Variants in DNAH9 observed in about 807,000 individuals in gnomAD.
The protein encoded by DNAH9 is DNAH9 variant protein.
A neutral mutation model predicts 471.6 loss-of-function variants in DNAH9; 345 were observed. The ratio of observed to expected loss-of-function variants is 0.73; its 90% CI spans 0.67 to 0.80. DNAH9 has a LOEUF of 0.80. DNAH9 is among the 30% of genes least tolerant of loss of function. The probability of loss-of-function intolerance (pLI) is 0.00; values close to 1 mark genes in which losing one functional copy is unlikely to be tolerated. For missense variants in DNAH9, 5,407 were observed against 5,609.2 expected (o/e 0.96, Z 1.15); for synonymous variants, 2,093 against 2,123.6 (o/e 0.99, Z 0.40).
chr17:11,968,663 A>G (rs1238774953), intron 68 of DNAH9, among the ~76,000 whole-genome samples: 2 of 152,220 alleles, frequency 1.3e-5, no homozygotes, highest in Non-Finnish European at 2.9e-5. Flanking sequence ...AATTTATTGG[A>G]CCAAGGGAGA....
intron 40 of DNAH9, among the ~76,000 whole-genome samples, chr17:11,784,017 T>C (rs1282541203): frequency 6.6e-6 from 1 of 152,086 alleles, no homozygotes; most frequent in Non-Finnish European, 1.5e-5. Context: ...CCCAGGGCCA[T>C]ATGGATTCTC....
At chr17:11,966,407 A>G (rs1046802121) in intron 68 of DNAH9, among the ~76,000 whole-genome samples, 7 of 152,178 alleles carry the variant, frequency 4.6e-5, no homozygotes, top group African/African-American at 1.4e-4. Context: ...CAGATTTTTT[A>G]AGAGAGAGAG....
At chr17:11,684,259 A>G (rs2150745716) in intron 19 of DNAH9, among the ~76,000 whole-genome samples, 1 of 152,288 alleles carries the variant, frequency 6.6e-6, no homozygotes, top group South Asian at 2.1e-4. Flanking sequence ...AAAAAACCTG[A>G]GTGTCTTATT....
intron 67 of DNAH9, among the ~76,000 whole-genome samples, chr17:11,956,321 A>T (rs1160134648): frequency 6.6e-6 from 1 of 152,228 alleles, no homozygotes; most frequent in Non-Finnish European, 1.5e-5. Context: ...GCACCTCATA[A>T]CAAAGCGTCA....
chr17:11,629,664 G>T (rs1384561721), intron 7 of DNAH9, 80 bp downstream of exon 7: 2 of 1,295,338 alleles, frequency 1.5e-6, no homozygotes, highest in African/African-American at 1.5e-5. Flanking sequence ...GTATTTACTT[G>T]CATTTTCCCT....
chr17:11,703,942 A>G (rs1306542487), intron 24 of DNAH9, among the ~76,000 whole-genome samples: 1 of 152,230 alleles, frequency 6.6e-6, no homozygotes, highest in African/African-American at 2.4e-5. Context: ...ACCGGCCTTG[A>G]TCAGAGTCAA....
In DNAH9 at chr17:11,793,607, A is replaced by C. The variant is rs781573406; in HGVS notation, c.8166A>C (p.Glu2722Asp). The change falls in exon 42 of 69, where the codon GAA becomes GAC. Residue 2722 changes from glutamate (E) to aspartate (D), a missense_variant. By Grantham distance (45) the Glu-to-Asp change is conservative. Coordinates refer to ENST00000262442, the MANE Select transcript of DNAH9 (RefSeq NM_001372.4). ...NRVYRDKMVE[E>D]KDFDLFDKIQ... Reference sequence around the variant, plus strand: ...TTTATCGGGATAAGATGGTAGAAGAAAAGGACTTTGATCTTTTTGATAAAA... The same window carrying C: ...TTTATCGGGATAAGATGGTAGAAGACAAGGACTTTGATCTTTTTGATAAAA... The C allele has an allele frequency of 1.9e-6, 3 of 1,613,982 alleles. No individual in the cohort carries two copies. The South Asian group carries it at 3.3e-5, about 18-fold the overall frequency.
At chr17:11,632,012 A>G (rs2150673809) in intron 7 of DNAH9, among the ~76,000 whole-genome samples, 1 of 152,306 alleles carries the variant, frequency 6.6e-6, no homozygotes, top group South Asian at 2.1e-4. Flanking sequence ...CTGAAATTCC[A>G]ATTTAACTGA....
chr17:11,603,419 A>C (rs185832614), intron 1 of DNAH9, among the ~76,000 whole-genome samples: 1 of 152,284 alleles, frequency 6.6e-6, no homozygotes, highest in Admixed American at 6.5e-5. Context: ...CAAGTCCACG[A>C]ACTCTTATGT....
At chr17:11,679,340 A>G (rs1758561845) in intron 17 of DNAH9, among the ~76,000 whole-genome samples, 1 of 152,226 alleles carries the variant, frequency 6.6e-6, no homozygotes, top group African/African-American at 2.4e-5. Context: ...AAGCAATGCT[A>G]TCGCAAGCCA....
chr17:11,773,114 A>C (rs1211543193), intron 38 of DNAH9, among the ~76,000 whole-genome samples: 6 of 152,242 alleles, frequency 3.9e-5, no homozygotes, highest in African/African-American at 1.4e-4. Context: ...AACTCAAAAG[A>C]CAGCTGCTCT....
intron 68 of DNAH9, among the ~76,000 whole-genome samples, chr17:11,963,638 C>T (rs1206109696): frequency 6.6e-6 from 1 of 151,550 alleles, no homozygotes; most frequent in African/African-American, 2.4e-5. Flanking sequence ...GCATATGTAT[C>T]CCCTGTATCT....
At chr17:11,935,054 C>G (rs1207249506) in intron 65 of DNAH9, among the ~76,000 whole-genome samples, 1 of 152,012 alleles carries the variant, frequency 6.6e-6, no homozygotes, top group Non-Finnish European at 1.5e-5. Flanking sequence ...ACCTCCGCCT[C>G]CCAGGTTCAA....
rs760320780 is a variant in DNAH9, at chr17:11,610,557, A to G, written c.773+3A>G. On this transcript the variant is annotated splice_donor_region_variant and intron_variant, in intron 3 of 68. Coordinates refer to ENST00000262442, the MANE Select transcript of DNAH9 (RefSeq NM_001372.4). The stretch of plus-strand genomic sequence containing the variant: ...GAGTTGGAGTTCTGGAAGAGCAGGT[A>G]GGCAAGAAGGCACATGCTGGAAGTC... 5 of 1,611,982 alleles carry G rather than the reference A, an allele frequency of 3.1e-6. No homozygotes were observed. The South Asian group carries it at 5.5e-5, about 18-fold the overall frequency.
At chr17:11,790,383 T>A (rs554762034) in intron 41 of DNAH9, among the ~76,000 whole-genome samples, 1 of 152,188 alleles carries the variant, frequency 6.6e-6, no homozygotes, top group South Asian at 2.1e-4. Context: ...AGAATTAGTA[T>A]ATCTTCCTAG....
chr17:11,855,714 C>CATAT (rs1971603091), intron 50 of DNAH9, among the ~76,000 whole-genome samples: 1 of 152,186 alleles, frequency 6.6e-6, no homozygotes, highest in Non-Finnish European at 1.5e-5. Context: ...TACTTACTTT[C>CATAT]ATATGCTTGA....
chr17:11,640,198 G>A (rs2073243836), intron 9 of DNAH9, 72 bp from the exon 10 acceptor site: 2 of 836,374 alleles, frequency 2.4e-6, no homozygotes, highest in African/African-American at 3.5e-5. Context: ...GTACTTGGTG[G>A]GAGGTGTTTG....
chr17:11,740,558 G>A (rs2075417466), intron 29 of DNAH9, among the ~76,000 whole-genome samples: 1 of 152,142 alleles, frequency 6.6e-6, no homozygotes, highest in Non-Finnish European at 1.5e-5. Context: ...CCATCACATT[G>A]CATTTTGGGG....
intron 67 of DNAH9, among the ~76,000 whole-genome samples, chr17:11,954,493 T>C (rs1975538410): frequency 6.6e-6 from 1 of 151,222 alleles, no homozygotes; most frequent in Non-Finnish European, 1.5e-5. Flanking sequence ...AGACTTCTTG[T>C]CAGAAGCTGT....
Sources: allele counts gnomAD v4.1 joint callset (sites outside exome capture counted in the v4.1 genomes callset), GRCh38; gene constraint gnomAD v4.1.1; transcripts MANE v1.5; gene names NCBI Gene and HGNC (gene_info 2026-07-23, HGNC 2026-07-21).